Variants in NAV2 observed in about 807,000 individuals in gnomAD.
NAV2 encodes helicase, APC down-regulated 1.
NAV2 carries 54 observed loss-of-function variants against 223.2 expected under a neutral mutation model. The ratio of observed to expected loss-of-function variants is 0.24; its 90% confidence interval spans 0.19 to 0.30. The LOEUF (loss-of-function observed/expected upper bound fraction) is 0.30, where lower values mean the gene tolerates loss of function less well. Among genes scored for constraint, NAV2 ranks in the 10% least tolerant of loss-of-function variants. The pLI is 1.00. For missense variants in NAV2, 2,806 were observed against 3,147.5 expected, an observed-to-expected ratio of 0.89 and a Z score of 2.60; for synonymous variants, 1,279 against 1,239.3, an observed-to-expected ratio of 1.03 and a Z score of -0.67.
chr11:20,067,639 G>A (rs554525228), intron 20 of NAV2, among the ~76,000 whole-genome samples: 49 of 140,908 alleles, frequency 3.5e-4, no homozygotes, highest in Middle Eastern at 3.5e-3. Flanking sequence ...CATCACACCC[G>A]GCTAATTTTT....
chr11:19,717,762 T>C (rs796976578), intron 1 of NAV2, among the ~76,000 whole-genome samples: 1 of 152,178 alleles, frequency 6.6e-6, no homozygotes, highest in African/African-American at 2.4e-5. Flanking sequence ...TCATAACAGA[T>C]CATTGGGAAA....
chr11:20,029,916 A>G (rs1425745608), intron 11 of NAV2, among the ~76,000 whole-genome samples: 1 of 152,260 alleles, frequency 6.6e-6, no homozygotes, highest in Admixed American at 6.5e-5. Flanking sequence ...TTAGGAAATC[A>G]TGCTTTTGTG....
At chr11:20,077,258 G>A (rs1412827800) in intron 22 of NAV2, among the ~76,000 whole-genome samples, 2 of 151,742 alleles carry the variant, frequency 1.3e-5, no homozygotes, top group Non-Finnish European at 2.9e-5. Flanking sequence ...TACACAGACA[G>A]GTAAAAATTA....
intron 1 of NAV2, among the ~76,000 whole-genome samples, chr11:19,415,521 AG>A (rs1229376759): frequency 6.6e-6 from 1 of 152,230 alleles, no homozygotes; most frequent in African/African-American, 2.4e-5. Flanking sequence ...AGGTACAAAG[AG>A]GAGTTGGTAC....
chr11:19,855,771 G>A (rs1327083947), intron 3 of NAV2, among the ~76,000 whole-genome samples: 1 of 152,208 alleles, frequency 6.6e-6, no homozygotes, highest in African/African-American at 2.4e-5. Context: ...CCTAACCAGA[G>A]CAAAGGGCCT....
chr11:19,769,956 G>A (rs2055574511), intron 1 of NAV2, among the ~76,000 whole-genome samples: 1 of 151,870 alleles, frequency 6.6e-6, no homozygotes, highest in Admixed American at 6.6e-5. Flanking sequence ...ACCAGAACTG[G>A]CCAAGAATGA....
chr11:19,662,070 C>A (rs1030516546), intron 1 of NAV2, among the ~76,000 whole-genome samples: 1 of 152,194 alleles, frequency 6.6e-6, no homozygotes, highest in East Asian at 1.9e-4. Context: ...GGGGGTACAG[C>A]AGCCACATGT....
chr11:20,073,819 T>C (rs1340966526), intron 22 of NAV2, among the ~76,000 whole-genome samples: 1 of 152,212 alleles, frequency 6.6e-6, no homozygotes, highest in Admixed American at 6.5e-5. Flanking sequence ...TATTTGATTC[T>C]TTTCTCTTTT....
chr11:19,969,678 C>T (rs2049056331), intron 10 of NAV2, among the ~76,000 whole-genome samples: 1 of 152,098 alleles, frequency 6.6e-6, no homozygotes, highest in Non-Finnish European at 1.5e-5. Context: ...CGCAGTGGCT[C>T]ACACCTGTAA....
At chr11:19,623,444 C>A (rs2047068512) in intron 1 of NAV2, among the ~76,000 whole-genome samples, 1 of 152,212 alleles carries the variant, frequency 6.6e-6, no homozygotes, top group Non-Finnish European at 1.5e-5. Flanking sequence ...TCCCATATTT[C>A]TTGGAGGCTT....
chr11:19,828,595 C>T (rs540193437), intron 1 of NAV2, among the ~76,000 whole-genome samples: 11 of 152,366 alleles, frequency 7.2e-5, no homozygotes, highest in Non-Finnish European at 1.3e-4. Context: ...CTCAGGTGAT[C>T]CCCCCACGTC....
chr11:19,528,303 C>T (rs2043908699), intron 1 of NAV2, among the ~76,000 whole-genome samples: 1 of 152,180 alleles, frequency 6.6e-6, no homozygotes, highest in South Asian at 2.1e-4. Flanking sequence ...CAGTTCTTTT[C>T]ATGACCTTCT....
At chr11:19,632,539 C>G (rs1000436318) in intron 1 of NAV2, among the ~76,000 whole-genome samples, 1 of 152,176 alleles carries the variant, frequency 6.6e-6, no homozygotes, top group Non-Finnish European at 1.5e-5. Context: ...GATTATTAAA[C>G]TGGCCAACCC....
At chr11:19,384,355 T>A (rs147626331) in intron 1 of NAV2, among the ~76,000 whole-genome samples, 1 of 152,334 alleles carries the variant, frequency 6.6e-6, no homozygotes, top group African/African-American at 2.4e-5. Flanking sequence ...AAAAAGTTAT[T>A]TTTTGGCCTT....
intron 1 of NAV2, among the ~76,000 whole-genome samples, chr11:19,499,732 G>C (rs2042905201): frequency 6.6e-6 from 1 of 152,196 alleles, no homozygotes; most frequent in Non-Finnish European, 1.5e-5. Context: ...TATATCCTCA[G>C]TGCCTGGCCC....
At chr11:19,461,196 G>GC (rs1852144780) in intron 1 of NAV2, among the ~76,000 whole-genome samples, 1 of 152,144 alleles carries the variant, frequency 6.6e-6, no homozygotes. Context: ...TTACTCACCA[G>GC]AGCTCAGTGC....
At chr11:19,738,794 T>C (rs954415335) in intron 1 of NAV2, among the ~76,000 whole-genome samples, 1 of 152,190 alleles carries the variant, frequency 6.6e-6, no homozygotes, top group African/African-American at 2.4e-5. Context: ...GATGTGTGAC[T>C]GTCTGTCCAA....
At chr11:19,832,721 C>T in intron 2 of NAV2, 120 bp downstream of exon 2, 1 of 776,526 alleles carries the variant, frequency 1.3e-6, no homozygotes. Context: ...CATGTCTTGA[C>T]AATTTATTTG....
chr11:20,020,746 A>G (rs543362088), intron 11 of NAV2, among the ~76,000 whole-genome samples: 1 of 152,322 alleles, frequency 6.6e-6, no homozygotes, highest in East Asian at 1.9e-4. Context: ...AACTCCATCT[A>G]TTAAACCTCC....
Sources: gnomAD v4.1 joint callset for allele counts (sites outside exome capture counted in the v4.1 genomes callset) on GRCh38, gnomAD v4.1.1 for gene constraint, MANE v1.5 for transcripts, NCBI Gene and HGNC (gene_info 2026-07-23, HGNC 2026-07-21) for gene names.